AOPEP: variants seen among roughly 807,000 people sequenced by gnomAD.
AOPEP encodes the protein aminopeptidase O (putative).
AOPEP carries 77 observed loss-of-function variants against 98.1 expected under a neutral mutation model. The ratio of observed to expected loss-of-function variants is 0.78; its 90% CI spans 0.65 to 0.95. The LOEUF is 0.95. Ranked by LOEUF, AOPEP falls within the 40% of genes least tolerant of loss-of-function variation. The probability of loss-of-function intolerance (pLI) is 0.00; values close to 1 mark genes in which losing one functional copy is unlikely to be tolerated. For synonymous variants in AOPEP, 346 were observed against 365.3 expected (o/e 0.95, Z 0.60); for missense variants, 1,024 against 1,024.7 (o/e 1.00, Z 0.01).
intron 11 of AOPEP, among the ~76,000 whole-genome samples, chr9:95,003,026 C>G (rs1396676302): frequency 6.6e-6 from 1 of 152,154 alleles, no homozygotes; most frequent in Non-Finnish European, 1.5e-5. Context: ...TTAGGTTATC[C>G]ATGATCTGGG....
intron 13 of AOPEP, among the ~76,000 whole-genome samples, chr9:95,055,620 C>T (rs761411253): frequency 6.6e-6 from 1 of 152,158 alleles, no homozygotes; most frequent in Non-Finnish European, 1.5e-5. Flanking sequence ...ACTGAAGGGG[C>T]AACCTGAGGG....
chr9:94,825,457 A>T (rs1162088120), intron 5 of AOPEP, among the ~76,000 whole-genome samples: 1 of 152,254 alleles, frequency 6.6e-6, no homozygotes, highest in African/African-American at 2.4e-5. Flanking sequence ...TCCAGGAAAC[A>T]TACATCTTTA....
the AOPEP span, chr9:95,123,709 G>A: frequency 1.5e-6 from 1 of 686,876 alleles, no homozygotes; most frequent in Non-Finnish European, 2.7e-6. Flanking sequence ...ATGCCTATGT[G>A]CTTCCCAAGC....
At chr9:95,082,852 C>T (rs1166119657) in intron 16 of AOPEP, 133 bp downstream of exon 16, 2 of 1,050,432 alleles carry the variant, frequency 1.9e-6, no homozygotes, top group Non-Finnish European at 2.7e-6. Context: ...GGCCCAGGGC[C>T]TGGAGAGTAA....
At chr9:94,840,059 C>T (rs967159120) in intron 5 of AOPEP, among the ~76,000 whole-genome samples, 1 of 152,190 alleles carries the variant, frequency 6.6e-6, no homozygotes, top group African/African-American at 2.4e-5. Flanking sequence ...TGAGCCACCT[C>T]GTCTGGCCTC....
intron 3 of AOPEP, 148 bp downstream of exon 3, chr9:94,773,316 C>G: frequency 1.5e-6 from 1 of 655,672 alleles, no homozygotes; most frequent in Non-Finnish European, 2.5e-6. Flanking sequence ...CCAGGGAAAA[C>G]AAGCAGGGGA....
intron 1 of AOPEP, among the ~76,000 whole-genome samples, chr9:94,749,458 G>A (rs1029814984): frequency 2.6e-5 from 4 of 152,146 alleles, no homozygotes; most frequent in Non-Finnish European, 5.9e-5. Flanking sequence ...TGCCAGTTGT[G>A]CTCACTGCTT....
chr9:94,964,671 T>A (rs2138254574), intron 9 of AOPEP, among the ~76,000 whole-genome samples: 1 of 144,076 alleles, frequency 6.9e-6, no homozygotes, highest in South Asian at 2.3e-4. Flanking sequence ...ACGGAGTCTC[T>A]CACTGTCGCC....
At chr9:95,140,164 T>C in the AOPEP span, among the ~76,000 whole-genome samples, 3 of 152,106 alleles carry the variant, frequency 2.0e-5, no homozygotes, top group African/African-American at 4.8e-5. Context: ...TTATGTGTAA[T>C]ACATTACTAT....
intron 7 of AOPEP, among the ~76,000 whole-genome samples, chr9:94,946,419 C>T (rs1266973758): frequency 6.6e-6 from 1 of 152,170 alleles, no homozygotes; most frequent in African/African-American, 2.4e-5. Context: ...TGAGCAGTTC[C>T]AGGATCCAGG....
At chr9:94,785,994 G>T (rs994218649) in intron 3 of AOPEP, among the ~76,000 whole-genome samples, 4 of 152,070 alleles carry the variant, frequency 2.6e-5, no homozygotes, top group African/African-American at 9.7e-5. Context: ...CTCCATATGT[G>T]GGCCTCATCA....
intron 5 of AOPEP, among the ~76,000 whole-genome samples, chr9:94,882,031 G>T (rs980977989): frequency 1.3e-5 from 2 of 152,184 alleles, no homozygotes; most frequent in East Asian, 1.9e-4. Context: ...AATTTTTGAG[G>T]ACTTCCCCTT....
intron 13 of AOPEP, among the ~76,000 whole-genome samples, chr9:95,031,380 C>T (rs921337929): frequency 1.1e-4 from 16 of 152,120 alleles, no homozygotes; most frequent in Non-Finnish European, 1.8e-4. Flanking sequence ...CATCCAATCA[C>T]GGAGCGTGTT....
chr9:94,919,270 T>G (rs1373130721), intron 5 of AOPEP, among the ~76,000 whole-genome samples: 3 of 152,182 alleles, frequency 2.0e-5, no homozygotes, highest in African/African-American at 7.2e-5. Context: ...GCAAGTTTGC[T>G]TCAAGTTTTT....
the AOPEP span, among the ~76,000 whole-genome samples, chr9:95,117,817 G>A: frequency 2.7e-5 from 4 of 150,170 alleles, no homozygotes; most frequent in East Asian, 4.0e-4. Flanking sequence ...TCTGGCTCCC[G>A]GGTTCAAGCG....
At chr9:94,965,834 G>A (rs13294914) in intron 9 of AOPEP, among the ~76,000 whole-genome samples, 13 of 144,534 alleles carry the variant, frequency 9.0e-5, no homozygotes, top group Admixed American at 1.4e-4. Flanking sequence ...GGGAGGCTTC[G>A]GTCTGCAGTT....
the AOPEP span, among the ~76,000 whole-genome samples, chr9:95,130,299 T>A: frequency 0.016 from 2,354 of 149,222 alleles, 103 homozygotes; most frequent in Admixed American, 0.095. Context: ...TGTGTGTGTG[T>A]GAGAGAGAGA....
intron 13 of AOPEP, among the ~76,000 whole-genome samples, chr9:95,016,834 C>G (rs2063042327): frequency 2.0e-5 from 3 of 151,404 alleles, no homozygotes; most frequent in African/African-American, 7.3e-5. Flanking sequence ...CTACTGGCCA[C>G]AAGCAATCCT....
intron 5 of AOPEP, among the ~76,000 whole-genome samples, chr9:94,807,694 C>G (rs1337004664): frequency 6.6e-6 from 1 of 152,270 alleles, no homozygotes; most frequent in African/African-American, 2.4e-5. Context: ...AGTTACCTAA[C>G]TTGGGATATT....
Sources: gnomAD v4.1 joint callset for allele counts (sites outside exome capture counted in the v4.1 genomes callset) on GRCh38, gnomAD v4.1.1 for gene constraint, MANE v1.5 for transcripts, NCBI Gene and HGNC (gene_info 2026-07-23, HGNC 2026-07-21) for gene names.